Variants in MAP3K15 observed in about 807,000 individuals in gnomAD.
MAP3K15 encodes mitogen-activated protein kinase kinase kinase 15, also known as MAPK/ERK kinase kinase 15.
MAP3K15 carries 124 observed loss-of-function variants against 99.5 expected under a neutral mutation model. That is an observed-to-expected ratio of 1.25 (90% CI 1.08 to 1.45). The LOEUF is 1.45. Ranked by LOEUF, MAP3K15 falls within the 40% of genes most tolerant of loss-of-function variation. The probability of loss-of-function intolerance (pLI) is 0.00; values close to 1 mark genes in which losing one functional copy is unlikely to be tolerated. For missense variants in MAP3K15, 1,242 were observed against 1,079.7 expected, an observed-to-expected ratio of 1.15 and a Z score of -2.11; for synonymous variants, 494 against 439.6, an observed-to-expected ratio of 1.12 and a Z score of -1.55.
intron 3 of MAP3K15, among the ~76,000 whole-genome samples, chrX:19,482,882 G>T (rs1157792459): frequency 1.8e-5 from 2 of 111,436 alleles, no homozygotes; most frequent in African/African-American, 6.5e-5. Context: ...AAACCCAGAA[G>T]AGCTGCAGGT....
chrX:19,473,470 C>T (rs2064220748), intron 3 of MAP3K15, among the ~76,000 whole-genome samples: 1 of 112,460 alleles, frequency 8.9e-6, no homozygotes, highest in Non-Finnish European at 1.9e-5. Context: ...GTAGTTGTTA[C>T]ATTTATAAGT....
intron 1 of MAP3K15, among the ~76,000 whole-genome samples, chrX:19,512,789 C>G (rs930084593): frequency 6.3e-5 from 7 of 110,953 alleles, no homozygotes; most frequent in African/African-American, 2.0e-4. Flanking sequence ...ACTAGTGCAA[C>G]TAAGGATCTT....
chrX:19,451,447 T>TA (rs756200802), intron 6 of MAP3K15, among the ~76,000 whole-genome samples: 4,487 of 92,928 alleles, frequency 0.048, 223 homozygotes, highest in Non-Finnish European at 0.059. Context: ...TATATATATA[T>TA]AAAAAAAAAA....
At chrX:19,483,855 A>G (rs16997315) in intron 3 of MAP3K15, among the ~76,000 whole-genome samples, 2,427 of 111,945 alleles carry the variant, frequency 0.022, 65 homozygotes, top group African/African-American at 0.075. Context: ...TGGAGTGGAA[A>G]AAGTAAACGT....
At chrX:19,429,519 C>T (rs2063861377) in intron 7 of MAP3K15, among the ~76,000 whole-genome samples, 1 of 110,065 alleles carries the variant, frequency 9.1e-6, no homozygotes, top group South Asian at 4.0e-4. Flanking sequence ...CATTGGAAGC[C>T]ATACCTTGTG....
intron 18 of MAP3K15, among the ~76,000 whole-genome samples, chrX:19,384,212 T>C (rs2063478946): frequency 9.0e-6 from 1 of 111,330 alleles, no homozygotes; most frequent in Non-Finnish European, 1.9e-5. Context: ...GAGATCATTA[T>C]ATAAAGCGAA....
At position 19,459,607 on chromosome X, in the gene MAP3K15, T is replaced by G. The variant is rs751518429; in HGVS notation, c.888+378A>C. Among the ~76,000 whole-genome samples, 240 of 112,457 alleles carry G rather than the reference T, an allele frequency of 2.1e-3. 1 individual carries two copies. Among genetic ancestry groups the G allele is most frequent in the African/African-American group, 7.3e-3 (226 of 31,012 alleles). On this transcript the variant is annotated intron_variant, in intron 5 of 28. Transcript: ENST00000338883. ...GCTCATGCCTGCAATCCCAGCACTT[T>G]GGGAGGCCGAGGCGGGTGGATCACC...
chrX:19,513,586 G>C (rs2064536092), intron 1 of MAP3K15, among the ~76,000 whole-genome samples: 1 of 111,531 alleles, frequency 9.0e-6, no homozygotes, highest in Non-Finnish European at 1.9e-5. Flanking sequence ...TCCAGCTGGG[G>C]AGAATTTGCT....
At chrX:19,482,451 A>C (rs763073765) in intron 3 of MAP3K15, among the ~76,000 whole-genome samples, 8 of 112,298 alleles carry the variant, frequency 7.1e-5, no homozygotes, top group Non-Finnish European at 1.3e-4. Context: ...CTAGTGCATT[A>C]AGGATGATCT....
At chrX:19,451,392 A>AAACAGTT (rs1354610803) in intron 6 of MAP3K15, among the ~76,000 whole-genome samples, 2 of 107,191 alleles carry the variant, frequency 1.9e-5, no homozygotes, top group African/African-American at 6.7e-5. Flanking sequence ...CAATATAGGA[A>AAACAGTT]AACAGTTACA....
At chrX:19,435,415 G>A (rs142163224) in intron 6 of MAP3K15, among the ~76,000 whole-genome samples, 2,339 of 110,388 alleles carry the variant, frequency 0.021, 60 homozygotes, top group African/African-American at 0.073. Flanking sequence ...TTGTAGAGAC[G>A]GGGTTTCACC....
chrX:19,472,118 G>A (rs2064211739), intron 3 of MAP3K15, among the ~76,000 whole-genome samples: 1 of 109,725 alleles, frequency 9.1e-6, no homozygotes, highest in African/African-American at 3.3e-5. Context: ...CAGCTACTCC[G>A]GAGGCTGAGG....
chrX:19,378,571 A>T (rs2063436737), intron 19 of MAP3K15, among the ~76,000 whole-genome samples: 1 of 110,493 alleles, frequency 9.1e-6, no homozygotes, highest in Non-Finnish European at 1.9e-5. Flanking sequence ...GGGGGAAATC[A>T]CCCCCATGAT....
chrX:19,382,244 CAAA>C lies in MAP3K15; in HGVS notation c.2432-1970_2432-1968del, dbSNP rs1047109372. On this transcript the variant is annotated intron_variant, in intron 18 of 28. Transcript: ENST00000338883. Reference sequence around the variant, plus strand: ...TGGCGACAGAGCGAGACTCAGTCTCCAAAAAAAAAAAAAAAAAAAAAAAGGAAA... The same window carrying C: ...TGGCGACAGAGCGAGACTCAGTCTCCAAAAAAAAAAAAAAAAAAAAGGAAA... 8.7e-3 allele frequency among the ~76,000 whole-genome samples: 274 copies of C among 31,525 alleles called. 1 individual carries two copies. Among genetic ancestry groups the C allele is most frequent in the African/African-American group, 0.029 (261 of 9,097 alleles). 27.4% of individuals were successfully genotyped at this position (31,525 alleles called of 115,157 possible).
chrX:19,422,352 C>T (rs2063794324), intron 9 of MAP3K15, among the ~76,000 whole-genome samples: 1 of 111,528 alleles, frequency 9.0e-6, no homozygotes, highest in South Asian at 3.7e-4. Flanking sequence ...CAAACAATCC[C>T]ATCAAAAAGT....
chrX:19,399,747 A>AAAAAC (rs2063594742), intron 14 of MAP3K15, among the ~76,000 whole-genome samples: 1 of 105,296 alleles, frequency 9.5e-6, no homozygotes, highest in African/African-American at 3.4e-5. Flanking sequence ...TCCAAAAAAA[A>AAAAAC]AAAAAAAAAA....
At chrX:19,456,587 C>T (rs1012125878) in intron 6 of MAP3K15, among the ~76,000 whole-genome samples, 2 of 112,149 alleles carry the variant, frequency 1.8e-5, no homozygotes, top group Non-Finnish European at 3.8e-5. Context: ...AAATCATATA[C>T]TTAAGATCTG....
intron 3 of MAP3K15, among the ~76,000 whole-genome samples, chrX:19,474,889 G>A (rs763395524): frequency 3.6e-5 from 4 of 110,715 alleles, no homozygotes; most frequent in African/African-American, 1.3e-4. Context: ...GATATGAAGG[G>A]TCTCCTTTGT....
chrX:19,504,329 C>T (rs888677937), intron 1 of MAP3K15, among the ~76,000 whole-genome samples: 1 of 110,955 alleles, frequency 9.0e-6, no homozygotes, highest in Non-Finnish European at 1.9e-5. Context: ...TGGAGGAGTG[C>T]GTCACCTAAC....
Sources: allele counts gnomAD v4.1 joint callset (sites outside exome capture counted in the v4.1 genomes callset), GRCh38; gene constraint gnomAD v4.1.1; transcripts MANE v1.5; gene names NCBI Gene and HGNC (gene_info 2026-07-23, HGNC 2026-07-21).